Variants in MT1E observed in about 807,000 individuals in gnomAD.
The protein encoded by MT1E is metallothionein 1E.
In MT1E, 1 loss-of-function variant was observed where a neutral mutation model predicts 2.4. That is an observed-to-expected ratio of 0.41 (90% CI 0.15 to 1.97). MT1E has a LOEUF of 1.97. Among genes scored for constraint, MT1E ranks in the 30% most tolerant of loss-of-function variants. The pLI is 0.30. For missense variants in MT1E, 145 were observed against 149.6 expected, an observed-to-expected ratio of 0.97 and a Z score of 0.16; for synonymous variants, 78 against 63.0, an observed-to-expected ratio of 1.24 and a Z score of -1.13.
At position 56,626,604 on chromosome 16, in the gene MT1E, G is replaced by A. The variant is rs778277187; in HGVS notation, c.167G>A (p.Ser56Asn). The A allele has an allele frequency of 7.4e-6, 12 of 1,614,036 alleles. No individual in the cohort carries two copies. The East Asian group carries it at 2.7e-4, about 36-fold the overall frequency. The stretch of plus-strand genomic sequence containing the variant: ...GGAGGGAACTCAAGGCTGGCCCTGA[G>A]TGCATCCTTCTGGGGAACTGGGCTT... Reference protein sequence around the residue: ...RLGGNSRLALSASFWGTGLSL... With the variant: ...RLGGNSRLALNASFWGTGLSL... The change falls in exon 2 of 2, where the codon AGT (serine) becomes AAT (asparagine). Residue 56 changes from serine to asparagine, a missense_variant. Ser to Asn is a conservative substitution (Grantham distance 46). Transcript: ENST00000330439.
At position 56,626,347 on chromosome 16, in the gene MT1E, G is replaced by A; in HGVS notation, c.29-119G>A. On this transcript the variant is annotated intron_variant, in intron 1 of 1. Transcript: ENST00000330439. The stretch of plus-strand genomic sequence containing the variant: ...GGGCTTCTGTTCCTCTGTCCTGAGT[G>A]GGAAAGGAGCTCTGAGGGCTGGCCC... 3 of 1,449,494 alleles carry A rather than the reference G, an allele frequency of 2.1e-6. No individual in the cohort carries two copies. The South Asian group carries it at 3.6e-5, about 17-fold the overall frequency. The allele number at this position is 1,449,494 out of a possible 1,614,324, so 89.8% of individuals were successfully genotyped here.
At position 56,626,513 on chromosome 16, in the gene MT1E, T is replaced by C. The variant is rs571020507; in HGVS notation, c.76T>C (p.Cys26Arg). Reference protein sequence around the residue: ...AGSCKCKECKCTSCKKSECGA... With the variant: ...AGSCKCKECKRTSCKKSECGA... ...CTCCTGCAAGTGCAAAGAGTGCAAA[T>C]GCACCTCCTGCAAGAAGAGTGAGTG... Residue 26 changes from cysteine (C) to arginine (R), a missense_variant, in exon 2 of 2, where the codon TGC (cysteine) becomes CGC (arginine). Coordinates refer to ENST00000330439, the MANE Select transcript of MT1E (RefSeq NM_001363555.2). 9 of 1,614,238 alleles carry C rather than the reference T, an allele frequency of 5.6e-6. No homozygotes were observed. In the African/African-American group the frequency reaches 9.3e-5, roughly 17 times the overall value.
chr16:56,627,072 A>G lies in MT1E; in HGVS notation c.*251A>G, dbSNP rs1960223921. On this transcript the variant is annotated 3_prime_UTR_variant, in exon 2 of 2. Transcript: ENST00000330439. ...AGCCATTTGCTGCATTTCTTTTTAT[A>G]CTAAATATGTGACTGACAATAAAAA... 22 of 1,442,404 alleles carry G rather than the reference A, an allele frequency of 1.5e-5. No individual in the cohort carries two copies. Among genetic ancestry groups the G allele is most frequent in the Non-Finnish European group, 2.1e-5 (22 of 1,056,472 alleles). 89.4% of individuals were successfully genotyped at this position (1,442,404 alleles called of 1,614,324 possible).
Position 56,626,433 on chromosome 16 carries a change from T to C in MT1E, c.29-33T>C, listed in dbSNP as rs1332518442. ...CACTGCTGTACCTTCTGCATCTCAC[T>C]CACTGCCCACTGCGTTTTCCTCTTC... On this transcript the variant is annotated intron_variant, in intron 1 of 1. Transcript: ENST00000330439. 4.3e-6 allele frequency: 7 copies of C among 1,614,220 alleles called. No individual in the cohort carries two copies. In the South Asian group the frequency reaches 7.7e-5, roughly 18 times the overall value.
At position 56,626,816 on chromosome 16, in the gene MT1E, T is replaced by C; in HGVS notation, c.379T>C (p.Tyr127His). ...VWVLSSSQACY is the reference protein window; with the variant it reads ...VWVLSSSQACH ...GGTTCTGAGCTCGAGCCAGGCTTGC[T>C]ATTAGGGCAGGGAGGTGCCCGGTCA... Residue 127 changes from tyrosine (Y) to histidine (H), a missense_variant, in exon 2 of 2, where the codon TAT becomes CAT. Physicochemically the swap from Tyr to His is moderately conservative, Grantham distance 83. Coordinates refer to ENST00000330439, the MANE Select transcript of MT1E (RefSeq NM_001363555.2). The C allele has an allele frequency of 6.2e-7, 1 of 1,614,156 alleles. No individual in the cohort carries two copies. The highest frequency in any genetic ancestry group is 8.5e-7 in the Non-Finnish European group (1 of 1,179,996).
rs1422848814 is a variant in MT1E, at chr16:56,626,831, G to A, written c.*10G>A. 4 of 1,614,170 alleles carry A rather than the reference G, an allele frequency of 2.5e-6. No homozygotes were observed. In the East Asian group the frequency reaches 8.9e-5, roughly 36 times the overall value. ...CCAGGCTTGCTATTAGGGCAGGGAGGTGCCCGGTCAAGTCTACTGCCACCT... is the reference window on the plus strand; with the variant it reads ...CCAGGCTTGCTATTAGGGCAGGGAGATGCCCGGTCAAGTCTACTGCCACCT... On this transcript the variant is annotated 3_prime_UTR_variant, in exon 2 of 2. Coordinates refer to ENST00000330439, the MANE Select transcript of MT1E (RefSeq NM_001363555.2).
rs377020783 is a variant in MT1E at position 56,626,840 on chromosome 16, C to G, written c.*19C>G. The G allele has an allele frequency of 2.5e-5, 41 of 1,614,066 alleles. No homozygotes were observed. The highest frequency in any genetic ancestry group is 3.3e-5 in the Non-Finnish European group (39 of 1,180,014). On this transcript the variant is annotated 3_prime_UTR_variant, in exon 2 of 2. Coordinates refer to ENST00000330439, the MANE Select transcript of MT1E (RefSeq NM_001363555.2). The stretch of plus-strand genomic sequence containing the variant: ...CTATTAGGGCAGGGAGGTGCCCGGT[C>G]AAGTCTACTGCCACCTCTCACTCTC...
intron 1 of MT1E, 106 bp from the exon 2 acceptor site, chr16:56,626,360 T>C (rs1303359247): frequency 5.9e-6 from 9 of 1,536,796 alleles, no homozygotes; most frequent in African/African-American, 1.4e-5. Flanking sequence ...AAAGGAGCTC[T>C]GAGGGCTGGC....
At chr16:56,625,946 A>G (rs559059007) in intron 1 of MT1E, 67 bp downstream of exon 1, 1 of 1,592,644 alleles carries the variant, frequency 6.3e-7, no homozygotes, top group South Asian at 1.1e-5. Context: ...TCTGGGTTTC[A>G]GGAAGTCGCA....
intron 1 of MT1E, 75 bp downstream of exon 1, chr16:56,625,954 G>A: frequency 6.4e-7 from 1 of 1,574,300 alleles, no homozygotes. Flanking sequence ...TCAGGAAGTC[G>A]CATTTTAAGT....
intron 1 of MT1E, 36 bp from the exon 2 acceptor site, chr16:56,626,430 C>G: frequency 6.2e-7 from 1 of 1,614,218 alleles, no homozygotes; most frequent in Non-Finnish European, 8.5e-7. Context: ...TTCTGCATCT[C>G]ACTCACTGCC....
chr16:56,626,380 A>G, intron 1 of MT1E, 86 bp from the exon 2 acceptor site: 1 of 1,593,580 alleles, frequency 6.3e-7, no homozygotes, highest in East Asian at 2.2e-5. Flanking sequence ...CCCTGCACAG[A>G]GGAGGGGGCA....
rs192194386 is a variant in MT1E at position 56,625,974 on chromosome 16, C to A, written c.28+95C>A. On this transcript the variant is annotated intron_variant, in intron 1 of 1. Coordinates refer to ENST00000330439, the MANE Select transcript of MT1E (RefSeq NM_001363555.2). ...AAGTCGCATTTTAAGTTCTGAGCGA[C>A]GGGGACTCCAGTACTTCGTTAGATG... 641 of 1,428,730 alleles carry A rather than the reference C, an allele frequency of 4.5e-4. 9 individuals are homozygous for A. The East Asian group carries it at 0.014, about 32-fold the overall frequency. 88.5% of individuals were successfully genotyped at this position (1,428,730 alleles called of 1,614,324 possible).
In MT1E at chr16:56,626,456, T is replaced by A. The variant is rs368387044; in HGVS notation, c.29-10T>A. On this transcript the variant is annotated splice_polypyrimidine_tract_variant and intron_variant, in intron 1 of 1. Coordinates refer to ENST00000330439, the MANE Select transcript of MT1E (RefSeq NM_001363555.2). ...ACTCACTGCCCACTGCGTTTTCCTC[T>A]TCCTTGTAGGTGGCTCCTGCACGTG... 1.1e-5 allele frequency: 17 copies of A among 1,614,130 alleles called. No homozygotes were observed. The highest frequency in any genetic ancestry group is 1.3e-5 in the African/African-American group (1 of 74,934).
rs1262377942 is a variant in MT1E at position 56,626,817 on chromosome 16, A to G, written c.380A>G (p.Tyr127Cys). 2.5e-6 allele frequency: 4 copies of G among 1,614,016 alleles called. No homozygotes were observed. Among genetic ancestry groups the G allele is most frequent in the Admixed American group, 1.7e-5 (1 of 60,002 alleles). Residue 127 changes from tyrosine (Y) to cysteine (C), a missense_variant, in exon 2 of 2, where the codon TAT (tyrosine) becomes TGT (cysteine). By Grantham distance (194) the Tyr-to-Cys change is radical (BLOSUM62 -2). Transcript: ENST00000330439. The part of the protein sequence containing the change: ...VWVLSSSQAC[Y>C] ...GTTCTGAGCTCGAGCCAGGCTTGCT[A>G]TTAGGGCAGGGAGGTGCCCGGTCAA...
chr16:56,626,183 C>T (rs894658726), intron 1 of MT1E, among the ~76,000 whole-genome samples: 1 of 152,172 alleles, frequency 6.6e-6, no homozygotes, highest in Non-Finnish European at 1.5e-5. Context: ...GTGCTGGAAA[C>T]ATTGACTCTT....
At position 56,625,826 on chromosome 16, in the gene MT1E, G is replaced by A. The variant is rs1960200011; in HGVS notation, c.-26G>A. On this transcript the variant is annotated 5_prime_UTR_variant, in exon 1 of 2. Coordinates refer to ENST00000330439, the MANE Select transcript of MT1E (RefSeq NM_001363555.2). ...GACTGCTTGTTCGTCTCACTGGTGT[G>A]AGCTCCAGCATCCCCTTTGCTCGAA... is the stretch of plus-strand genomic sequence containing the variant. 6.2e-7 allele frequency: 1 copy of A among 1,612,954 alleles called. No individual in the cohort carries two copies. Among genetic ancestry groups the A allele is most frequent in the Non-Finnish European group, 8.5e-7 (1 of 1,179,942 alleles).
At position 56,626,569 on chromosome 16, in the gene MT1E, G is replaced by A; in HGVS notation, c.132G>A (p.Trp44Ter). The stretch of plus-strand genomic sequence containing the variant: ...CCATCTCCAGGAATCTGGGGCTGTG[G>A]CTCAGGTTGGGAGGGAACTCAAGGC... Reference protein sequence around the residue: ...CGAISRNLGLWLRLGGNSRLA... With the variant: ...CGAISRNLGL The change falls in exon 2 of 2, where the codon TGG (tryptophan) becomes TGA (stop). Residue 44 changes from tryptophan (W) to a stop codon, truncating the protein, a stop_gained. Coordinates refer to ENST00000330439, the MANE Select transcript of MT1E (RefSeq NM_001363555.2). LOFTEE classifies it low-confidence loss of function (END_TRUNC). 1 of 1,614,254 alleles carries A rather than the reference G, an allele frequency of 6.2e-7. No individual in the cohort carries two copies. The highest frequency in any genetic ancestry group is 8.5e-7 in the Non-Finnish European group (1 of 1,180,046).
chr16:56,626,620 A>T lies in MT1E; in HGVS notation c.183A>T (p.Gly61=). ...SRLALSASFW[G]TGLSLPSLPV... Reference sequence around the variant, plus strand: ...TGGCCCTGAGTGCATCCTTCTGGGGAACTGGGCTTTCTTTGCCCTCATTGC... The same window carrying T: ...TGGCCCTGAGTGCATCCTTCTGGGGTACTGGGCTTTCTTTGCCCTCATTGC... The change falls in exon 2 of 2, where the codon GGA becomes GGT. Residue 61 remains glycine (G), a synonymous_variant. Transcript: ENST00000330439. The T allele has an allele frequency of 1.2e-6, 2 of 1,613,664 alleles. No homozygotes were observed. The highest frequency in any genetic ancestry group is 3.3e-4 in the Middle Eastern group (2 of 6,062).
Sources: gnomAD v4.1 joint callset for allele counts (sites outside exome capture counted in the v4.1 genomes callset) on GRCh38, gnomAD v4.1.1 for gene constraint, MANE v1.5 for transcripts, NCBI Gene and HGNC (gene_info 2026-07-23, HGNC 2026-07-21) for gene names.